GALNT9: variants seen among roughly 807,000 people sequenced by gnomAD.
GALNT9 encodes the protein polypeptide N-acetylgalactosaminyltransferase 9.
A neutral mutation model predicts 63.1 loss-of-function variants in GALNT9; 47 were observed. The observed-to-expected ratio is 0.75, with a 90% CI of 0.59 to 0.95. The LOEUF (loss-of-function observed/expected upper bound fraction) is 0.95. Ranked by LOEUF, GALNT9 falls within the 40% of genes least tolerant of loss-of-function variation. The probability of loss-of-function intolerance (pLI) is 0.00; values close to 1 mark genes in which losing one functional copy is unlikely to be tolerated. For synonymous variants in GALNT9, 396 were observed against 365.7 expected, an observed-to-expected ratio of 1.08 and a Z score of -0.94; for missense variants, 829 against 874.8, an observed-to-expected ratio of 0.95 and a Z score of 0.66.
rs28697012 is a variant in GALNT9, at chr12:132,286,519, C to A, written c.239-89G>T. The stretch of plus-strand genomic sequence containing the variant: ...ACGCCCCTCCCGCCCCTCTCCCCGA[C>A]GGCCGCTTCCCCCGGTACAAGCCCA... On this transcript the variant is annotated intron_variant, in intron 1 of 10. Transcript: ENST00000328957. This position sits in a 1 kb window ranked among gnomAD's most constrained non-coding sequence, Gnocchi z 7.4. 10,836 of 1,449,540 alleles carry A rather than the reference C, an allele frequency of 7.5e-3. 690 individuals are homozygous for A. In the African/African-American group the frequency reaches 0.14, roughly 18 times the overall value. The allele number at this position is 1,449,540 out of a possible 1,614,324, so 89.8% of individuals were successfully genotyped here.
intron 4 of GALNT9, among the ~76,000 whole-genome samples, chr12:132,258,846 C>G (rs1280763881): frequency 6.6e-6 from 1 of 152,222 alleles, no homozygotes; most frequent in African/African-American, 2.4e-5. Flanking sequence ...AGAGGCCCGC[C>G]GTCCACGCTG....
At position 132,329,219 on chromosome 12, in the gene GALNT9, GGGGGCCTCACCCGCGGGGC is replaced by G; in HGVS notation, c.-35_-17del. On this transcript the variant is annotated 5_prime_UTR_variant, in exon 1 of 11. The change abolishes an upstream ATG in the 5' untranslated region. Coordinates refer to ENST00000328957, the MANE Select transcript of GALNT9 (RefSeq NM_001122636.2). ...CCACCGCCATGAACACGGCTGCAGCGGGGGCCTCACCCGCGGGGCATCCCCAGCATCCCCGCCCGGGCCT... is the reference window on the plus strand; with the variant it reads ...CCACCGCCATGAACACGGCTGCAGCGATCCCCAGCATCCCCGCCCGGGCCT... The G allele has an allele frequency of 6.5e-7, 1 of 1,536,834 alleles. No individual in the cohort carries two copies. Among genetic ancestry groups the G allele is most frequent in the Non-Finnish European group, 8.8e-7 (1 of 1,137,066 alleles).
At chr12:132,300,252 T>C (rs1177179154) in intron 1 of GALNT9, among the ~76,000 whole-genome samples, 1 of 138,376 alleles carries the variant, frequency 7.2e-6, no homozygotes, top group Non-Finnish European at 1.6e-5. Flanking sequence ...CCCACTCCCA[T>C]GATAACTAAC....
chr12:132,256,933 A>G (rs1879143144), intron 5 of GALNT9, among the ~76,000 whole-genome samples: 1 of 152,222 alleles, frequency 6.6e-6, no homozygotes, highest in Non-Finnish European at 1.5e-5. Context: ...TTGCTGGCGC[A>G]GGCCAGTCTT....
chr12:132,253,120 A>G (rs1878988758), intron 5 of GALNT9, among the ~76,000 whole-genome samples: 1 of 152,178 alleles, frequency 6.6e-6, no homozygotes, highest in South Asian at 2.1e-4. Context: ...AAGATCAAAG[A>G]CTTTAAGACT....
intron 6 of GALNT9, among the ~76,000 whole-genome samples, chr12:132,229,192 T>C (rs1386139073): frequency 6.6e-6 from 1 of 152,228 alleles, no homozygotes; most frequent in African/African-American, 2.4e-5. Context: ...TCCTCCATCC[T>C]GGCTCACAGG....
intron 6 of GALNT9, among the ~76,000 whole-genome samples, chr12:132,206,994 G>A (rs371048714): frequency 6.6e-6 from 1 of 152,246 alleles, no homozygotes; most frequent in East Asian, 1.9e-4. Flanking sequence ...GAGCCCGGGA[G>A]GTTGAGGCTG....
Position 132,329,281 on chromosome 12 carries a change from T to C in GALNT9, c.-78A>G. 1 of 1,483,620 alleles carries C rather than the reference T, an allele frequency of 6.7e-7. No homozygotes were observed. Among genetic ancestry groups the C allele is most frequent in the South Asian group, 1.3e-5 (1 of 74,366 alleles). The allele number at this position is 1,483,620 out of a possible 1,614,324, so 91.9% of individuals were successfully genotyped here. A position where few individuals can be genotyped will look rare whatever the true frequency, so the allele number is the denominator to read the frequency against. ...CCGGGCCTGGGCTTCAGCTTCGGCT[T>C]CGGGGACCATGAGCCGCCCGGGGCT... On this transcript the variant is annotated 5_prime_UTR_variant, in exon 1 of 11. Coordinates refer to ENST00000328957, the MANE Select transcript of GALNT9 (RefSeq NM_001122636.2).
intron 5 of GALNT9, among the ~76,000 whole-genome samples, chr12:132,248,382 G>A (rs1878794404): frequency 6.6e-6 from 1 of 152,234 alleles, no homozygotes; most frequent in African/African-American, 2.4e-5. Context: ...GCTGAGGCAG[G>A]AGGATCACTG....
At chr12:132,302,003 C>T (rs917556260) in intron 1 of GALNT9, among the ~76,000 whole-genome samples, 3 of 152,098 alleles carry the variant, frequency 2.0e-5, no homozygotes, top group Admixed American at 6.5e-5. Context: ...GAGGGGCTCA[C>T]GTGTTTATCA....
intron 4 of GALNT9, among the ~76,000 whole-genome samples, chr12:132,260,496 C>T (rs973696279): frequency 4.6e-5 from 7 of 152,230 alleles, no homozygotes; most frequent in Non-Finnish European, 5.9e-5. Flanking sequence ...CGGGGGCACT[C>T]GTGGCCATCT....
rs1057301231 is a variant in GALNT9, at chr12:132,266,385, C to G, written c.420-3760G>C. The stretch of plus-strand genomic sequence containing the variant: ...CTCAAATTCTTTTGTGCTGCAAAGT[C>G]AAGAACCTGACCCAGCCACCCACTG... On this transcript the variant is annotated intron_variant, in intron 2 of 10. Transcript: ENST00000328957. Among the ~76,000 whole-genome samples, 18 of 152,226 alleles carry G rather than the reference C, an allele frequency of 1.2e-4. No homozygotes were observed. The South Asian group carries it at 3.8e-3, about 32-fold the overall frequency.
In GALNT9 at chr12:132,236,551, CCTT is replaced by C. The variant is rs1555236350; in HGVS notation, c.1077+11356_1077+11358del. On this transcript the variant is annotated intron_variant, in intron 6 of 10. Coordinates refer to ENST00000328957, the MANE Select transcript of GALNT9 (RefSeq NM_001122636.2). This position sits in a 1 kb window ranked among gnomAD's most constrained non-coding sequence, Gnocchi z 5.6. ...GCCCTTTCCCCTTCCTTCCTTCCCACCTTCTTTCCTTTCTTCTATCTTTCCTTT... is the reference window on the plus strand; with the variant it reads ...GCCCTTTCCCCTTCCTTCCTTCCCACCTTTCCTTTCTTCTATCTTTCCTTT... Among the ~76,000 whole-genome samples, 1 of 152,172 alleles carries C rather than the reference CCTT, an allele frequency of 6.6e-6. No individual in the cohort carries two copies. The highest frequency in any genetic ancestry group is 6.5e-5 in the Admixed American group (1 of 15,276).
At chr12:132,260,023 C>T (rs28646051) in intron 4 of GALNT9, among the ~76,000 whole-genome samples, 1,980 of 14,238 alleles carry the variant, frequency 0.14, 130 homozygotes, top group South Asian at 0.17. Context: ...GCATTGTGGG[C>T]GCGGGGCCTG....
Position 132,196,488 on chromosome 12 carries a change from CA to C in GALNT9, c.*618del, listed in dbSNP as rs1316356568. 1.0e-6 allele frequency: 1 copy of C among 985,468 alleles called. No homozygotes were observed. Among genetic ancestry groups the C allele is most frequent in the East Asian group, 1.1e-4 (1 of 8,832 alleles). 61.0% of individuals were successfully genotyped at this position (985,468 alleles called of 1,614,324 possible). ...GGGCCCCAACCCCCAGCTCGGCTCC[CA>C]GGAAGACACACACAGTGCTGCTGCC... On this transcript the variant is annotated 3_prime_UTR_variant, in exon 11 of 11. Coordinates refer to ENST00000328957, the MANE Select transcript of GALNT9 (RefSeq NM_001122636.2).
intron 6 of GALNT9, among the ~76,000 whole-genome samples, chr12:132,210,670 A>G (rs1363770324): frequency 6.6e-6 from 1 of 152,348 alleles, no homozygotes; most frequent in East Asian, 1.9e-4. Context: ...CAGAGCTGGC[A>G]TGGGCAGGCT....
intron 6 of GALNT9, among the ~76,000 whole-genome samples, chr12:132,243,425 C>T (rs1878545675): frequency 6.6e-6 from 1 of 152,076 alleles, no homozygotes. Context: ...TCCTCCTCGT[C>T]TTCCGGAGCT....
intron 1 of GALNT9, among the ~76,000 whole-genome samples, chr12:132,306,744 A>G (rs1555244679): frequency 6.6e-6 from 1 of 152,168 alleles, no homozygotes; most frequent in Non-Finnish European, 1.5e-5. Context: ...TTCGAGATTC[A>G]GGGCTGAACA....
At chr12:132,261,251 T>G (rs1879373069) in intron 3 of GALNT9, 129 bp from the exon 4 acceptor site, 33 of 1,394,646 alleles carry the variant, frequency 2.4e-5, no homozygotes, top group Non-Finnish European at 3.1e-5. Context: ...TAGGACCCAC[T>G]GAACCACATG....
Sources: allele counts gnomAD v4.1 joint callset (sites outside exome capture counted in the v4.1 genomes callset), GRCh38; gene constraint gnomAD v4.1.1; non-coding constraint Gnocchi (gnomAD v3.1); transcripts MANE v1.5; gene names NCBI Gene and HGNC (gene_info 2026-07-23, HGNC 2026-07-21).